SGCG: variants seen among roughly 807,000 people sequenced by gnomAD.
SGCG encodes the protein gamma-sarcoglycan.
Under a neutral mutation model 29.3 loss-of-function variants are expected in SGCG, and 26 were observed. That is an observed-to-expected ratio of 0.89 (90% CI 0.65 to 1.23). The LOEUF is 1.23. SGCG is among the 50% of genes most tolerant of loss of function. SGCG has a pLI of 0.00. For missense variants in SGCG, 353 were observed against 356.0 expected (o/e 0.99, Z 0.07); for synonymous variants, 145 against 129.7 (o/e 1.12, Z -0.80).
chr13:23,261,362 G>T (rs1025650737), intron 4 of SGCG, among the ~76,000 whole-genome samples: 1 of 151,936 alleles, frequency 6.6e-6, no homozygotes, highest in Non-Finnish European at 1.5e-5. Context: ...ACTATAAAAT[G>T]CAGTGGAAAG....
chr13:23,181,921 A>G (rs1177398999), intron 1 of SGCG, among the ~76,000 whole-genome samples: 1 of 152,240 alleles, frequency 6.6e-6, no homozygotes, highest in Admixed American at 6.5e-5. Context: ...TTTTCTTGCA[A>G]ACATTTTGTA....
intron 4 of SGCG, among the ~76,000 whole-genome samples, chr13:23,251,211 C>T (rs1199218004): frequency 5.9e-5 from 9 of 152,218 alleles, no homozygotes; most frequent in African/African-American, 2.2e-4. Context: ...CCTATAGGGC[C>T]TCCCTGATTC....
chr13:23,188,012 GCA>G (rs1187910432), intron 1 of SGCG, among the ~76,000 whole-genome samples: 2 of 152,138 alleles, frequency 1.3e-5, no homozygotes, highest in Non-Finnish European at 2.9e-5. Flanking sequence ...CCCCACAGGG[GCA>G]CCAGCAGGTC....
chr13:23,297,250 G>A (rs1259808923), intron 6 of SGCG, among the ~76,000 whole-genome samples: 19 of 148,802 alleles, frequency 1.3e-4, no homozygotes, highest in South Asian at 2.1e-4. Context: ...TTTTTGAGAT[G>A]GAATTTTGCT....
At chr13:23,244,418 T>C (rs1297804472) in intron 3 of SGCG, 1 of 152,226 alleles carries the variant, frequency 6.6e-6, no homozygotes. Flanking sequence ...TAAAGTAACA[T>C]GGTATTTCTT....
chr13:23,209,577 G>A (rs1878114325), intron 2 of SGCG, among the ~76,000 whole-genome samples: 1 of 152,200 alleles, frequency 6.6e-6, no homozygotes, highest in Non-Finnish European at 1.5e-5. Flanking sequence ...ACCACAGGCT[G>A]TCTGTGAATG....
At chr13:23,280,502 A>G (rs1387256211) in intron 5 of SGCG, among the ~76,000 whole-genome samples, 1 of 152,244 alleles carries the variant, frequency 6.6e-6, no homozygotes, top group Non-Finnish European at 1.5e-5. Context: ...ACTCTAAGAC[A>G]GTAATGTATC....
Position 23,208,044 on chromosome 13 carries a change from C to T in SGCG, c.195+4155C>T, listed in dbSNP as rs115706989. ...ACATTAACATCCCAAAGAAGTAATA[C>T]GTCTATAAAAGAACTTTTTTGAGCC... On this transcript the variant is annotated intron_variant, in intron 2 of 7. Coordinates refer to ENST00000218867, the MANE Select transcript of SGCG (RefSeq NM_000231.3). Among the ~76,000 whole-genome samples, 538 of 152,062 alleles carry T rather than the reference C, an allele frequency of 3.5e-3. 4 individuals are homozygous for T. Among genetic ancestry groups the T allele is most frequent in the African/African-American group, 7.9e-3 (330 of 41,526 alleles).
intron 7 of SGCG, 27 bp downstream of exon 7, chr13:23,320,787 T>C: frequency 6.2e-7 from 1 of 1,606,186 alleles, no homozygotes; most frequent in Non-Finnish European, 8.5e-7. Context: ...ATCAGCCTCC[T>C]ACTGTATGTC....
intron 2 of SGCG, among the ~76,000 whole-genome samples, chr13:23,210,307 C>T (rs1344118097): frequency 6.6e-6 from 1 of 151,980 alleles, no homozygotes; most frequent in Non-Finnish European, 1.5e-5. Context: ...TTGAGGAAAT[C>T]AGTGTATATA....
intron 6 of SGCG, among the ~76,000 whole-genome samples, chr13:23,306,093 G>A (rs4068740): frequency 0.033 from 4,996 of 152,040 alleles, 249 homozygotes; most frequent in African/African-American, 0.11. Flanking sequence ...TTGAACTCCC[G>A]GCCTCAAGTG....
chr13:23,269,069 C>T (rs1357290568), intron 4 of SGCG: 2 of 151,936 alleles, frequency 1.3e-5, no homozygotes, highest in Non-Finnish European at 2.9e-5. Context: ...CCAGAATGTC[C>T]AGTCAAAAAA....
At chr13:23,312,971 AAGGTGAGT>A (rs1882660355) in intron 6 of SGCG, among the ~76,000 whole-genome samples, 1 of 152,116 alleles carries the variant, frequency 6.6e-6, no homozygotes, top group Admixed American at 6.5e-5. Flanking sequence ...TATGGTATGT[AAGGTGAGT>A]TACCCATTCT....
chr13:23,201,449 T>C (rs1877758990), intron 1 of SGCG, among the ~76,000 whole-genome samples: 1 of 151,960 alleles, frequency 6.6e-6, no homozygotes, highest in South Asian at 2.1e-4. Flanking sequence ...GCAAGCCCAG[T>C]GTTATCACGG....
In SGCG at chr13:23,279,373, G is replaced by A; in HGVS notation, c.400G>A (p.Glu134Lys). 6.2e-7 allele frequency: 1 copy of A among 1,613,002 alleles called. No homozygotes were observed. Among genetic ancestry groups the A allele is most frequent in the East Asian group, 2.2e-5 (1 of 44,792 alleles). Residue 134 changes from glutamate to lysine, a missense_variant, in exon 5 of 8, where the codon GAA (glutamate) becomes AAA (lysine). Glu to Lys is a moderately conservative substitution (Grantham distance 56, BLOSUM62 1). Coordinates refer to ENST00000218867, the MANE Select transcript of SGCG (RefSeq NM_000231.3). ...GRLKVGPKMVEVQNQQFQINS... is the reference protein window; with the variant it reads ...GRLKVGPKMVKVQNQQFQINS... ...TAATTCTTCAGGTCCCAAAATGGTAGAAGTCCAGAATCAACAGTTTCAGAT... is the reference window on the plus strand; with the variant it reads ...TAATTCTTCAGGTCCCAAAATGGTAAAAGTCCAGAATCAACAGTTTCAGAT...
chr13:23,272,449 A>G (rs1212298615), intron 4 of SGCG, among the ~76,000 whole-genome samples: 3 of 152,206 alleles, frequency 2.0e-5, no homozygotes, highest in Non-Finnish European at 4.4e-5. Flanking sequence ...TATGATGTTA[A>G]TCATTCCTCA....
At chr13:23,164,353 C>T in the SGCG span, among the ~76,000 whole-genome samples, 6 of 152,204 alleles carry the variant, frequency 3.9e-5, no homozygotes, top group Non-Finnish European at 5.9e-5. Flanking sequence ...GTTGATGGAA[C>T]TCCTACTTTA....
At chr13:23,314,093 C>T (rs1333198243) in intron 6 of SGCG, among the ~76,000 whole-genome samples, 2 of 151,468 alleles carry the variant, frequency 1.3e-5, no homozygotes, top group Non-Finnish European at 2.9e-5. Flanking sequence ...TAAGTTAATG[C>T]TTAATAAACT....
Position 23,324,383 on chromosome 13 carries a change from G to A in SGCG, c.718G>A (p.Glu240Lys), listed in dbSNP as rs780692038. 7 of 1,614,174 alleles carry A rather than the reference G, an allele frequency of 4.3e-6. No homozygotes were observed. Among genetic ancestry groups the A allele is most frequent in the Middle Eastern group, 3.3e-4 (2 of 6,060 alleles). Residue 240 changes from glutamate to lysine, a missense_variant, in exon 8 of 8, where the codon GAA becomes AAA. Glu to Lys is a moderately conservative substitution (Grantham distance 56, BLOSUM62 1). Transcript: ENST00000218867. ...SSDGMLVLDA[E>K]TVCLPKLVQG... The stretch of plus-strand genomic sequence containing the variant: ...TCCCAACCAGCTTGTGCTTGATGCT[G>A]AAACTGTGTGCTTACCCAAGCTGGT...
Sources: allele counts gnomAD v4.1 joint callset (sites outside exome capture counted in the v4.1 genomes callset), GRCh38; gene constraint gnomAD v4.1.1; transcripts MANE v1.5; gene names NCBI Gene and HGNC (gene_info 2026-07-23, HGNC 2026-07-21).